Variants in UGT1A5 observed in about 807,000 individuals in gnomAD.
The protein encoded by UGT1A5 is UDP glucuronosyltransferase family 1 member A5, also known as UDP-glucuronosyltransferase 1A5.
UGT1A5 carries 29 observed loss-of-function variants against 40.3 expected under a neutral mutation model. The ratio of observed to expected loss-of-function variants is 0.72; its 90% CI spans 0.54 to 0.98. UGT1A5 has a LOEUF of 0.98. Among genes scored for constraint, UGT1A5 ranks in the 50% least tolerant of loss-of-function variants. The pLI is 0.00. For missense variants in UGT1A5, 678 were observed against 677.9 expected (o/e 1.00, Z 0.00); for synonymous variants, 257 against 262.5 (o/e 0.98, Z 0.20).
chr2:233,766,548 C>T (rs547504981), intron 1 of UGT1A5, among the ~76,000 whole-genome samples: 152 of 152,318 alleles, frequency 1.0e-3, no homozygotes, highest in African/African-American at 3.6e-3. Flanking sequence ...AAATGCCTGT[C>T]CTCACCTAGG....
intron 1 of UGT1A5, among the ~76,000 whole-genome samples, chr2:233,749,524 A>C (rs1694211122): frequency 6.6e-6 from 1 of 151,812 alleles, no homozygotes; most frequent in Non-Finnish European, 1.5e-5. Flanking sequence ...AGCAAGGCTA[A>C]TTTTCGAGTG....
rs1298347226 is a variant in UGT1A5, at chr2:233,768,214, T to C, written c.1088-6T>C. ...CTGCTGACATCCTCCCTATTTTGCA[T>C]CTCAGGTCACCCGATGACCCGTGCC... On this transcript the variant is annotated splice_polypyrimidine_tract_variant and splice_region_variant and intron_variant, in intron 3 of 4. Coordinates refer to ENST00000373414, the MANE Select transcript of UGT1A5 (RefSeq NM_019078.2). The C allele has an allele frequency of 3.7e-6, 6 of 1,614,204 alleles. No homozygotes were observed. The highest frequency in any genetic ancestry group is 5.1e-6 in the Non-Finnish European group (6 of 1,180,044).
At chr2:233,759,500 CTAA>C (rs1055153309) in intron 1 of UGT1A5, among the ~76,000 whole-genome samples, 11 of 152,162 alleles carry the variant, frequency 7.2e-5, no homozygotes, top group Non-Finnish European at 1.6e-4. Flanking sequence ...CAGGTTCACA[CTAA>C]TAAAGGCCTG....
chr2:233,749,872 A>G (rs1694289871), intron 1 of UGT1A5, among the ~76,000 whole-genome samples: 1 of 151,942 alleles, frequency 6.6e-6, no homozygotes, highest in South Asian at 2.1e-4. Context: ...TGCCAGGATT[A>G]TAAGTTTCCT....
intron 2 of UGT1A5, among the ~76,000 whole-genome samples, chr2:233,767,483 G>A (rs1215340946): frequency 1.3e-5 from 2 of 152,158 alleles, no homozygotes; most frequent in Admixed American, 6.5e-5. Context: ...TTAAATAGAA[G>A]TATTTCTCCA....
At chr2:233,764,893 C>A (rs1252796776) in intron 1 of UGT1A5, among the ~76,000 whole-genome samples, 1 of 150,656 alleles carries the variant, frequency 6.6e-6, no homozygotes, top group Non-Finnish European at 1.5e-5. Flanking sequence ...AAAGACAAAG[C>A]CCTTAAGAGC....
At chr2:233,743,990 CG>C in intron 1 of UGT1A5, 1 of 1,267,322 alleles carries the variant, frequency 7.9e-7, no homozygotes, top group Admixed American at 2.4e-5. Context: ...GGCGCAGGCC[CG>C]AGTGCTCGGA....
Position 233,766,572 on chromosome 2 carries a change from G to A in UGT1A5, c.868-462G>A, listed in dbSNP as rs1699186765. On this transcript the variant is annotated intron_variant, in intron 1 of 4. Coordinates refer to ENST00000373414, the MANE Select transcript of UGT1A5 (RefSeq NM_019078.2). ...TCCTCACCTAGGTCCATGGGCACAG[G>A]TCTGGGGGTGGAGCCCTCGCCAGGG... Among the ~76,000 whole-genome samples, 3 of 152,322 alleles carry A rather than the reference G, an allele frequency of 2.0e-5. No individual in the cohort carries two copies. In the South Asian group the frequency reaches 6.2e-4, roughly 32 times the overall value.
intron 1 of UGT1A5, chr2:233,718,687 G>C (rs878940196): frequency 1.1e-5 from 18 of 1,583,966 alleles, no homozygotes; most frequent in Admixed American, 9.0e-5. Context: ...TAAGTAACTG[G>C]AGGAGGGCAC....
chr2:233,717,701 A>G (rs1201448536), intron 1 of UGT1A5: 4 of 447,022 alleles, frequency 8.9e-6, no homozygotes, highest in Non-Finnish European at 1.8e-5. Context: ...TTTCTGGAGC[A>G]GGACGAGCCT....
At chr2:233,768,912 T>C (rs923481624) in intron 4 of UGT1A5, among the ~76,000 whole-genome samples, 1 of 152,140 alleles carries the variant, frequency 6.6e-6, no homozygotes, top group African/African-American at 2.4e-5. Context: ...AATTTAGAGG[T>C]TATTATTCAC....
chr2:233,738,483 T>C (rs1690800032), intron 1 of UGT1A5, among the ~76,000 whole-genome samples: 1 of 152,200 alleles, frequency 6.6e-6, no homozygotes, highest in African/African-American at 2.4e-5. Flanking sequence ...CCTGGAGACT[T>C]GTTGAACGGT....
intron 1 of UGT1A5, among the ~76,000 whole-genome samples, chr2:233,757,972 C>G (rs768947894): frequency 2.6e-4 from 40 of 152,096 alleles, no homozygotes; most frequent in Non-Finnish European, 3.4e-4. Context: ...TTTCTCAGCC[C>G]CTAGAGCACC....
chr2:233,729,640 T>C, intron 1 of UGT1A5: 1 of 1,613,966 alleles, frequency 6.2e-7, no homozygotes, highest in East Asian at 2.2e-5. Flanking sequence ...TACTGTGTTT[T>C]TTTTGAGGAA....
At chr2:233,762,035 T>C (rs960173120) in intron 1 of UGT1A5, among the ~76,000 whole-genome samples, 7 of 152,218 alleles carry the variant, frequency 4.6e-5, no homozygotes, top group African/African-American at 1.4e-4. Flanking sequence ...TTTTTTTTAA[T>C]TTTCTGTGCA....
intron 1 of UGT1A5, chr2:233,721,798 T>C (rs1311334621): frequency 1.9e-6 from 1 of 514,350 alleles, no homozygotes; most frequent in East Asian, 5.5e-5. Flanking sequence ...TTAAAGCACA[T>C]GCAGCAAAAA....
chr2:233,727,414 G>A (rs1241262548), intron 1 of UGT1A5, among the ~76,000 whole-genome samples: 1 of 152,064 alleles, frequency 6.6e-6, no homozygotes, highest in East Asian at 1.9e-4. Context: ...GCCTCCTCAG[G>A]GTCTGGGAGT....
chr2:233,727,615 G>A (rs1416380597), intron 1 of UGT1A5, among the ~76,000 whole-genome samples: 1 of 152,148 alleles, frequency 6.6e-6, no homozygotes, highest in Non-Finnish European at 1.5e-5. Flanking sequence ...TAGTTCAGAG[G>A]CTGAGAGGTT....
At chr2:233,767,761 G>A in intron 2 of UGT1A5, 88 bp from the exon 3 acceptor site, 6 of 1,606,158 alleles carry the variant, frequency 3.7e-6, no homozygotes, top group Non-Finnish European at 5.1e-6. Context: ...TCCTTCAGAG[G>A]ACCCCTGTTT....
Sources: gnomAD v4.1 joint callset for allele counts (sites outside exome capture counted in the v4.1 genomes callset) on GRCh38, gnomAD v4.1.1 for gene constraint, MANE v1.5 for transcripts, NCBI Gene and HGNC (gene_info 2026-07-23, HGNC 2026-07-21) for gene names.